The following THSD7A variants were observed in gnomAD, a reference collection of about 807,000 sequenced individuals.
The protein encoded by THSD7A is thrombospondin type 1 domain containing 7A.
THSD7A carries 96 observed loss-of-function variants against 231.3 expected under a neutral mutation model. The ratio of observed to expected loss-of-function variants is 0.41; its 90% CI spans 0.35 to 0.49. THSD7A has a LOEUF of 0.49. Ranked by LOEUF, THSD7A falls within the 20% of genes least tolerant of loss-of-function variation. The pLI is 0.05. For synonymous variants in THSD7A, 940 were observed against 743.3 expected (o/e 1.26, Z -4.30); for missense variants, 2,290 against 2,070.2 (o/e 1.11, Z -2.06).
At chr7:11,721,690 C>T (rs1255064729) in intron 1 of THSD7A, among the ~76,000 whole-genome samples, 1 of 151,912 alleles carries the variant, frequency 6.6e-6, no homozygotes, top group African/African-American at 2.4e-5. Context: ...TATTTCTCCC[C>T]TTTAATTCAT....
At chr7:11,800,216 G>C (rs563793066) in intron 1 of THSD7A, among the ~76,000 whole-genome samples, 1 of 152,178 alleles carries the variant, frequency 6.6e-6, no homozygotes, top group African/African-American at 2.4e-5. Flanking sequence ...TGGACATTTG[G>C]GTTGTGAAAC....
At chr7:11,531,797 G>T (rs973599225) in intron 6 of THSD7A, among the ~76,000 whole-genome samples, 1 of 152,130 alleles carries the variant, frequency 6.6e-6, no homozygotes, top group Admixed American at 6.5e-5. Context: ...GCACTTCCGG[G>T]TATAGCTCTA....
At chr7:11,486,607 T>C (rs1445390280) in intron 6 of THSD7A, among the ~76,000 whole-genome samples, 1 of 151,672 alleles carries the variant, frequency 6.6e-6, no homozygotes, top group East Asian at 1.9e-4. Context: ...AACTTGTTTT[T>C]CTTCTTTAGT....
intron 7 of THSD7A, among the ~76,000 whole-genome samples, chr7:11,476,867 A>G (rs10259174): frequency 0.83 from 125,042 of 150,906 alleles, 52,350 homozygotes; most frequent in African/African-American, 0.96. Flanking sequence ...ATACAAATTC[A>G]TTTTCATGTT....
intron 2 of THSD7A, among the ~76,000 whole-genome samples, chr7:11,602,025 G>A (rs1224855941): frequency 1.3e-5 from 2 of 152,064 alleles, no homozygotes; most frequent in African/African-American, 2.4e-5. Flanking sequence ...TGCTTTTTTA[G>A]CCAATGCCAA....
At chr7:11,501,119 G>C (rs1787319088) in intron 6 of THSD7A, among the ~76,000 whole-genome samples, 1 of 151,986 alleles carries the variant, frequency 6.6e-6, no homozygotes, top group South Asian at 2.1e-4. Flanking sequence ...GGAACACCCA[G>C]ATTCATAAAG....
chr7:11,658,072 G>A (rs940613832), intron 1 of THSD7A, among the ~76,000 whole-genome samples: 16 of 151,566 alleles, frequency 1.1e-4, no homozygotes, highest in Admixed American at 6.6e-4. Flanking sequence ...TCAGTGAGGC[G>A]AACATAAAAA....
intron 1 of THSD7A, among the ~76,000 whole-genome samples, chr7:11,767,632 C>T (rs1486519105): frequency 1.3e-5 from 2 of 151,928 alleles, no homozygotes; most frequent in Non-Finnish European, 2.9e-5. Flanking sequence ...TCAGTATCAC[C>T]CCAAAGTAAG....
intron 1 of THSD7A, among the ~76,000 whole-genome samples, chr7:11,695,714 G>A (rs1445553192): frequency 6.6e-6 from 1 of 151,448 alleles, no homozygotes; most frequent in Non-Finnish European, 1.5e-5. Flanking sequence ...AGGACATTGT[G>A]GTAAGTGATA....
At chr7:11,720,411 T>C (rs901051054) in intron 1 of THSD7A, among the ~76,000 whole-genome samples, 4 of 151,756 alleles carry the variant, frequency 2.6e-5, no homozygotes, top group African/African-American at 9.7e-5. Context: ...CTCTGTTTTC[T>C]CAGGAATATG....
At position 11,636,672 on chromosome 7, in the gene THSD7A, G is replaced by A. The variant is rs1299260731; in HGVS notation, c.480C>T (p.Cys160=). The part of the protein sequence containing the change: ...EEGIQVREIA[C]IQKDKDIPAE... ...CAGGAATGTCTTTGTCTTTCTGGAT[G>A]CACGCTATCTCCCTCACCTGAATAC... The change falls in exon 2 of 28, where the codon TGC becomes TGT. Residue 160 remains cysteine (C), a synonymous_variant. Transcript: ENST00000423059. The surrounding 1 kb of genome is among the most constrained non-coding windows in gnomAD (Gnocchi z 10.0). 1.2e-6 allele frequency: 2 copies of A among 1,613,886 alleles called. No individual in the cohort carries two copies. Among genetic ancestry groups the A allele is most frequent in the Non-Finnish European group, 1.7e-6 (2 of 1,179,896 alleles).
At chr7:11,675,854 C>T (rs1355475143) in intron 1 of THSD7A, among the ~76,000 whole-genome samples, 1 of 152,204 alleles carries the variant, frequency 6.6e-6, no homozygotes, top group East Asian at 1.9e-4. Flanking sequence ...CTGACTTAAA[C>T]GTTCCTGCCT....
intron 6 of THSD7A, among the ~76,000 whole-genome samples, chr7:11,534,972 C>A (rs1788855461): frequency 6.6e-6 from 1 of 152,092 alleles, no homozygotes; most frequent in Non-Finnish European, 1.5e-5. Context: ...AGTGAGACCA[C>A]ATCTCTAAAA....
chr7:11,598,374 G>T (rs1432179264), intron 2 of THSD7A, among the ~76,000 whole-genome samples: 6 of 152,228 alleles, frequency 3.9e-5, no homozygotes, highest in Non-Finnish European at 7.3e-5. Flanking sequence ...TAATAATCAA[G>T]TGGATAGGAT....
chr7:11,412,078 A>G (rs1783806107), intron 18 of THSD7A, among the ~76,000 whole-genome samples: 1 of 152,158 alleles, frequency 6.6e-6, no homozygotes, highest in Non-Finnish European at 1.5e-5. Flanking sequence ...AAACCAATAA[A>G]AGATTTTCTT....
intron 16 of THSD7A, among the ~76,000 whole-genome samples, chr7:11,424,005 AAC>A (rs1784236975): frequency 6.6e-6 from 1 of 152,156 alleles, no homozygotes; most frequent in Non-Finnish European, 1.5e-5. Context: ...GGGTCTTTTC[AAC>A]ACAGTGAGGG....
intron 1 of THSD7A, among the ~76,000 whole-genome samples, chr7:11,819,012 A>G (rs900328217): frequency 1.2e-4 from 18 of 152,164 alleles, no homozygotes; most frequent in Non-Finnish European, 2.6e-4. Flanking sequence ...TCTTGCTACT[A>G]TTACTCCTAC....
intron 6 of THSD7A, among the ~76,000 whole-genome samples, chr7:11,517,074 T>C (rs543229410): frequency 6.6e-6 from 1 of 152,148 alleles, no homozygotes; most frequent in Non-Finnish European, 1.5e-5. Flanking sequence ...AATACTTCCA[T>C]ATCATTATTT....
At chr7:11,750,018 A>ATTTT (rs561367892) in intron 1 of THSD7A, among the ~76,000 whole-genome samples, 21 of 140,704 alleles carry the variant, frequency 1.5e-4, no homozygotes, top group African/African-American at 4.9e-4. Context: ...AGTGGCCAGA[A>ATTTT]TTTTTTTTTT....
Sources: allele counts gnomAD v4.1 joint callset (sites outside exome capture counted in the v4.1 genomes callset), GRCh38; gene constraint gnomAD v4.1.1; non-coding constraint Gnocchi (gnomAD v3.1); transcripts MANE v1.5; gene names NCBI Gene and HGNC (gene_info 2026-07-23, HGNC 2026-07-21).